Variants in SCYL3 observed in about 807,000 individuals in gnomAD.
SCYL3 encodes the protein SCY1 like pseudokinase 3, also known as protein-associating with the carboxyl-terminal domain of ezrin.
SCYL3 carries 35 observed loss-of-function variants against 73.8 expected under a neutral mutation model. The ratio of observed to expected loss-of-function variants is 0.47; its 90% confidence interval spans 0.36 to 0.63. The LOEUF (loss-of-function observed/expected upper bound fraction) is 0.63, where lower values mean the gene tolerates loss of function less well. Ranked by LOEUF, SCYL3 falls within the 20% of genes least tolerant of loss-of-function variation. The pLI is 0.00. For synonymous variants in SCYL3, 277 were observed against 295.2 expected (o/e 0.94, Z 0.63); for missense variants, 712 against 798.9 (o/e 0.89, Z 1.31).
rs773825768 is a variant in SCYL3, at chr1:169,859,198, C to T, written c.1155G>A (p.Leu385=). ...CCACAATGGAATCGCTAGTATCACGCAGGCCCAGCAAAACCTAGGAGCAAA... is the reference window on the plus strand; with the variant it reads ...CCACAATGGAATCGCTAGTATCACGTAGGCCCAGCAAAACCTAGGAGCAAA... ...KVILPQVLLG[L]RDTSDSIVAI... The change falls in exon 11 of 13, where the codon CTG becomes CTA. Residue 385 remains leucine, a synonymous_variant. Coordinates refer to ENST00000367771, the MANE Select transcript of SCYL3 (RefSeq NM_020423.7). 16 of 1,610,664 alleles carry T rather than the reference C, an allele frequency of 9.9e-6. No individual in the cohort carries two copies.
chr1:169,873,163 T>C (rs1660544251), intron 5 of SCYL3, among the ~76,000 whole-genome samples: 1 of 152,112 alleles, frequency 6.6e-6, no homozygotes, highest in Non-Finnish European at 1.5e-5. Context: ...TGGGAGGTGA[T>C]TGAATTATGG....
intron 3 of SCYL3, 137 bp from the exon 4 acceptor site, chr1:169,876,228 C>T: frequency 2.1e-6 from 1 of 474,862 alleles, no homozygotes; most frequent in Non-Finnish European, 3.7e-6. Context: ...AAAATTATGA[C>T]AAGCCTTCCC....
At chr1:169,878,924 C>T (rs1661053224) in intron 2 of SCYL3, 105 bp from the exon 3 acceptor site, 2 of 930,284 alleles carry the variant, frequency 2.1e-6, no homozygotes, top group South Asian at 1.7e-5. Context: ...GCAGTTAAGG[C>T]TCTTTTGAGC....
At chr1:169,873,630 T>G in intron 5 of SCYL3, 66 bp downstream of exon 5, 3 of 1,134,926 alleles carry the variant, frequency 2.6e-6, no homozygotes, top group Non-Finnish European at 2.6e-6. Flanking sequence ...CAGAGGAAAG[T>G]TTTTTAAAAT....
At chr1:169,893,748 C>A (rs949952663) in intron 1 of SCYL3, 40 bp downstream of exon 1, 5 of 152,074 alleles carry the variant, frequency 3.3e-5, no homozygotes, top group Non-Finnish European at 5.9e-5. Flanking sequence ...ACGGCGCAGT[C>A]CTGCAAGGAC....
intron 10 of SCYL3, among the ~76,000 whole-genome samples, chr1:169,861,415 C>T (rs944436530): frequency 3.3e-5 from 5 of 152,138 alleles, no homozygotes; most frequent in African/African-American, 9.7e-5. Context: ...ACAAGCCCCC[C>T]AAGCTTCCTG....
Position 169,851,921 on chromosome 1 carries a change from G to C in SCYL3, c.*1792C>G. ...CTAATGTGACTGTAGAAGAAGCAAA[G>C]AGGTCATCTTTACAGGTATGGGCTG... On this transcript the variant is annotated 3_prime_UTR_variant, in exon 13 of 13. Coordinates refer to ENST00000367771, the MANE Select transcript of SCYL3 (RefSeq NM_020423.7). 3 of 1,614,076 alleles carry C rather than the reference G, an allele frequency of 1.9e-6. No individual in the cohort carries two copies. Among genetic ancestry groups the C allele is most frequent in the Non-Finnish European group, 2.5e-6 (3 of 1,179,954 alleles).
At chr1:169,877,540 T>C (rs778012245) in intron 3 of SCYL3, among the ~76,000 whole-genome samples, 4 of 152,246 alleles carry the variant, frequency 2.6e-5, no homozygotes, top group Non-Finnish European at 5.9e-5. Flanking sequence ...TAAATATTTT[T>C]TAAAGGAAGG....
chr1:169,873,801 G>C, intron 4 of SCYL3, 49 bp from the exon 5 acceptor site: 1 of 1,344,218 alleles, frequency 7.4e-7, no homozygotes, highest in South Asian at 1.2e-5. Flanking sequence ...TATGTTTGGT[G>C]AACTAATCTC....
intron 1 of SCYL3, among the ~76,000 whole-genome samples, chr1:169,893,451 C>T (rs1662226259): frequency 6.6e-6 from 1 of 152,092 alleles, no homozygotes; most frequent in Admixed American, 6.5e-5. Flanking sequence ...GCCGAGGCGC[C>T]GCTCTCGCTT....
intron 1 of SCYL3, among the ~76,000 whole-genome samples, chr1:169,893,416 C>T (rs1479395098): frequency 1.3e-5 from 2 of 152,044 alleles, no homozygotes; most frequent in African/African-American, 4.8e-5. Flanking sequence ...CCCTGCTTGC[C>T]GCGACCCCGC....
intron 2 of SCYL3, among the ~76,000 whole-genome samples, chr1:169,880,636 C>T (rs561739242): frequency 1.3e-5 from 2 of 150,956 alleles, no homozygotes; most frequent in Non-Finnish European, 2.9e-5. Context: ...AGAAGACCTG[C>T]TATATAAAAA....
At position 169,851,045 on chromosome 1, in the gene SCYL3, C is replaced by CTTT. The variant is rs58984684; in HGVS notation, c.*2665_*2667dup. On this transcript the variant is annotated 3_prime_UTR_variant, in exon 13 of 13. Transcript: ENST00000367771. ...CCCAAGCCAGGGTAAGCTCAGGGCC[C>CTTT]TTTTTTTTTTTTTTTTTTTTTTTTT... is the stretch of plus-strand genomic sequence containing the variant. The CTTT allele has an allele frequency of 5.8e-5, 1 of 17,312 alleles. No individual in the cohort carries two copies. The highest frequency in any genetic ancestry group is 2.3e-4 in the African/African-American group (1 of 4,392). The allele number at this position is 17,312 out of a possible 1,614,324, so 1.1% of individuals were successfully genotyped here.
At chr1:169,892,314 A>C (rs1349671268) in intron 1 of SCYL3, among the ~76,000 whole-genome samples, 1 of 152,162 alleles carries the variant, frequency 6.6e-6, no homozygotes, top group Non-Finnish European at 1.5e-5. Flanking sequence ...CCTAGAGTGC[A>C]TTGGCGCTAT....
rs1661055091 is a variant in SCYL3, at chr1:169,878,960, T to G, written c.166-141A>C. On this transcript the variant is annotated intron_variant, in intron 2 of 12. Coordinates refer to ENST00000367771, the MANE Select transcript of SCYL3 (RefSeq NM_020423.7). The stretch of plus-strand genomic sequence containing the variant: ...TCCCTACCTTCCTCCCTACCCACTA[T>G]ATTTCACATAAGGCAAAGATCTATT... The G allele has an allele frequency of 4.7e-6, 3 of 645,036 alleles. 1 individual carries two copies. In the Admixed American group the frequency reaches 9.2e-5, roughly 20 times the overall value. 40.0% of individuals were successfully genotyped at this position (645,036 alleles called of 1,614,324 possible).
Position 169,869,057 on chromosome 1 carries a change from AGT to A in SCYL3, c.626-20_626-19del. The A allele has an allele frequency of 1.3e-6, 2 of 1,599,858 alleles. No individual in the cohort carries two copies. Among genetic ancestry groups the A allele is most frequent in the Non-Finnish European group, 1.7e-6 (2 of 1,167,396 alleles). ...CGCTGAAACTGAAATCCAGAGCTAC[AGT>A]TAGTTTCCAATGCCTTCTCCCTCTT... On this transcript the variant is annotated intron_variant, in intron 6 of 12. Transcript: ENST00000367771.
rs542023377 is a variant in SCYL3 at position 169,882,143 on chromosome 1, C to T, written c.166-3324G>A. ...TGCGAGCGGGAACTGGGGCTGCCCA[C>T]GCAGCTTGTGGGCCAGCTGGAGTTC... is the stretch of plus-strand genomic sequence containing the variant. On this transcript the variant is annotated intron_variant, in intron 2 of 12. Coordinates refer to ENST00000367771, the MANE Select transcript of SCYL3 (RefSeq NM_020423.7). 4.6e-5 allele frequency among the ~76,000 whole-genome samples: 7 copies of T among 152,328 alleles called. No homozygotes were observed. In the East Asian group the frequency reaches 5.8e-4, roughly 13 times the overall value.
chr1:169,878,622 C>T lies in SCYL3; in HGVS notation c.351+12G>A. ...ATCAAAGTCTGTGATGCAGACTATA[C>T]AGGTTACTTACTCTGTCATGAAGGA... is the stretch of plus-strand genomic sequence containing the variant. On this transcript the variant is annotated intron_variant, in intron 3 of 12. Transcript: ENST00000367771. The T allele has an allele frequency of 6.2e-7, 1 of 1,604,560 alleles. No homozygotes were observed. The highest frequency in any genetic ancestry group is 8.5e-7 in the Non-Finnish European group (1 of 1,175,442).
At chr1:169,882,444 C>T (rs1231019429) in intron 2 of SCYL3, among the ~76,000 whole-genome samples, 2 of 152,212 alleles carry the variant, frequency 1.3e-5, no homozygotes, top group Non-Finnish European at 2.9e-5. Flanking sequence ...GCGCCGCCCC[C>T]TGCTCCACGG....
Sources: allele counts gnomAD v4.1 joint callset (sites outside exome capture counted in the v4.1 genomes callset), GRCh38; gene constraint gnomAD v4.1.1; transcripts MANE v1.5; gene names NCBI Gene and HGNC (gene_info 2026-07-23, HGNC 2026-07-21).